The following ATP6V0A2 variants were observed in gnomAD, a reference collection of about 807,000 sequenced individuals.
ATP6V0A2 encodes V-type proton ATPase 116 kDa subunit a 2.
ATP6V0A2 carries 58 observed loss-of-function variants against 104.4 expected under a neutral mutation model. The ratio of observed to expected loss-of-function variants is 0.56; its 90% CI spans 0.45 to 0.69. ATP6V0A2 has a LOEUF of 0.69. Among genes scored for constraint, ATP6V0A2 ranks in the 30% least tolerant of loss-of-function variants. The pLI is 0.00. For synonymous variants in ATP6V0A2, 376 were observed against 397.9 expected (o/e 0.95, Z 0.65); for missense variants, 938 against 1,062.9 (o/e 0.88, Z 1.63).
Position 123,748,576 on chromosome 12 carries a change from C to T in ATP6V0A2, c.1726C>T (p.His576Tyr), listed in dbSNP as rs752876687. 1.2e-6 allele frequency: 2 copies of T among 1,610,156 alleles called. No individual in the cohort carries two copies. Among genetic ancestry groups the T allele is most frequent in the South Asian group, 1.1e-5 (1 of 91,018 alleles). ...TGATTGATTCCTTTTCTTTCCTAGG[C>T]ACTTCAGGAAGAAGTTCAACATTTA... ...GVILGIFNHL[H>Y]FRKKFNIYLV... Residue 576 changes from histidine (H) to tyrosine (Y), a missense_variant and splice_region_variant, in exon 15 of 20, where the codon CAC becomes TAC. Physicochemically the swap from His to Tyr is moderately conservative, Grantham distance 83. Transcript: ENST00000330342.
chr12:123,727,670 G>C (rs1203079698), intron 5 of ATP6V0A2, 113 bp from the exon 6 acceptor site: 2 of 1,284,472 alleles, frequency 1.6e-6, no homozygotes, highest in Non-Finnish European at 2.2e-6. Context: ...CAGTTGGAGG[G>C]CTCTCAGGAT....
intron 6 of ATP6V0A2, among the ~76,000 whole-genome samples, chr12:123,729,954 A>G (rs1257282988): frequency 3.3e-5 from 5 of 150,970 alleles, no homozygotes; most frequent in African/African-American, 4.9e-5. Flanking sequence ...AGCTGGGACT[A>G]TATAGGCGTG....
At chr12:123,713,003 C>T (rs1025215715) in intron 1 of ATP6V0A2, among the ~76,000 whole-genome samples, 1 of 152,108 alleles carries the variant, frequency 6.6e-6, no homozygotes. Context: ...CCTTTTGGAA[C>T]TTTACGGGGG....
chr12:123,749,274 G>C (rs1239917232), intron 15 of ATP6V0A2, among the ~76,000 whole-genome samples: 1 of 152,164 alleles, frequency 6.6e-6, no homozygotes, highest in African/African-American at 2.4e-5. Flanking sequence ...GGGTGACAGA[G>C]CAAGACCCTG....
intron 3 of ATP6V0A2, chr12:123,724,348 A>C (rs1956427708): frequency 3.4e-6 from 1 of 291,986 alleles, no homozygotes; most frequent in Non-Finnish European, 6.5e-6. Context: ...ACATGGTGAA[A>C]CCTCGTCTCT....
rs943043410 is a variant in ATP6V0A2 at position 123,743,693 on chromosome 12, A to G, written c.1039-92A>G. 3 of 1,506,882 alleles carry G rather than the reference A, an allele frequency of 2.0e-6. No individual in the cohort carries two copies. The Admixed American group carries it at 5.2e-5, about 26-fold the overall frequency. 93.3% of individuals were successfully genotyped at this position (1,506,882 alleles called of 1,614,324 possible). The stretch of plus-strand genomic sequence containing the variant: ...CAAAACAACACCACCAAAAAAAACC[A>G]AAAAACAAAGCAGTAACCCAGATTC... On this transcript the variant is annotated intron_variant, in intron 9 of 19. Transcript: ENST00000330342.
chr12:123,752,112 G>A (rs1044844515), intron 16 of ATP6V0A2, among the ~76,000 whole-genome samples, 171 bp from the exon 17 acceptor site: 2 of 152,038 alleles, frequency 1.3e-5, no homozygotes, highest in East Asian at 1.9e-4. Context: ...CACCTGCCTC[G>A]GCTTCCCAAA....
intron 1 of ATP6V0A2, among the ~76,000 whole-genome samples, chr12:123,715,986 C>A (rs1956335081): frequency 6.6e-6 from 1 of 152,044 alleles, no homozygotes; most frequent in South Asian, 2.1e-4. Flanking sequence ...TTTTTTCTCA[C>A]TTCCCAGACT....
Position 123,744,535 on chromosome 12 carries a change from C to G in ATP6V0A2, c.1327-62C>G. 2 of 1,604,848 alleles carry G rather than the reference C, an allele frequency of 1.2e-6. No individual in the cohort carries two copies. Among genetic ancestry groups the G allele is most frequent in the Non-Finnish European group, 1.7e-6 (2 of 1,174,622 alleles). ...TGAGTGGTGAGGGTCGTGCCCACAC[C>G]GACAGCTGTCACATGGACACCCTCC... On this transcript the variant is annotated intron_variant, in intron 11 of 19. Transcript: ENST00000330342. The surrounding 1 kb of genome is among the most constrained non-coding windows in gnomAD (Gnocchi z 5.4).
chr12:123,727,192 A>T (rs999583582), intron 5 of ATP6V0A2, among the ~76,000 whole-genome samples: 1 of 152,032 alleles, frequency 6.6e-6, no homozygotes, highest in Non-Finnish European at 1.5e-5. Context: ...CCTGCATCCC[A>T]TGCTGGCCTT....
intron 14 of ATP6V0A2, among the ~76,000 whole-genome samples, chr12:123,747,972 G>A (rs929469147): frequency 1.3e-5 from 2 of 152,168 alleles, no homozygotes; most frequent in African/African-American, 4.8e-5. Context: ...AGTGAGGAGG[G>A]CAGAAAAAAG....
At position 123,754,544 on chromosome 12, in the gene ATP6V0A2, TCCTGCTTAGA is replaced by T. The variant is rs766004857; in HGVS notation, c.2293+13_2293+22del. ...CTTAGCCTGGCTCACGCACGTAAGT[TCCTGCTTAGA>T]CCTGCAGTTCCCAATGCCCTGTAGT... On this transcript the variant is annotated splice_region_variant and intron_variant, in intron 18 of 19. Coordinates refer to ENST00000330342, the MANE Select transcript of ATP6V0A2 (RefSeq NM_012463.4). 3.7e-6 allele frequency: 6 copies of T among 1,606,512 alleles called. No homozygotes were observed. In the African/African-American group the frequency reaches 8.0e-5, roughly 21 times the overall value.
chr12:123,745,015 G>A, intron 13 of ATP6V0A2, 43 bp downstream of exon 13: 1 of 1,584,430 alleles, frequency 6.3e-7, no homozygotes, highest in Non-Finnish European at 8.7e-7. Flanking sequence ...ATGCTCTGTG[G>A]TGCCACCTAG....
chr12:123,752,727 G>A (rs1312049049), intron 17 of ATP6V0A2, among the ~76,000 whole-genome samples: 2 of 152,176 alleles, frequency 1.3e-5, no homozygotes, highest in Non-Finnish European at 2.9e-5. Context: ...TTCCATAGTT[G>A]CAAGAAATAG....
intron 9 of ATP6V0A2, among the ~76,000 whole-genome samples, chr12:123,737,977 C>A (rs1422809312): frequency 6.6e-6 from 1 of 152,234 alleles, no homozygotes; most frequent in Non-Finnish European, 1.5e-5. Flanking sequence ...TCCGCTTTTA[C>A]AAATAGCACT....
In ATP6V0A2 at chr12:123,758,885, A is replaced by G. The variant is rs947395828; in HGVS notation, c.*853A>G. 1 of 152,306 alleles carries G rather than the reference A, an allele frequency of 6.6e-6. No individual in the cohort carries two copies. Among genetic ancestry groups the G allele is most frequent in the East Asian group, 1.9e-4 (1 of 5,198 alleles). 9.4% of individuals were successfully genotyped at this position (152,306 alleles called of 1,614,324 possible). A position where few individuals can be genotyped will look rare whatever the true frequency, so the allele number is the denominator to read the frequency against. On this transcript the variant is annotated 3_prime_UTR_variant, in exon 20 of 20. Transcript: ENST00000330342. Reference sequence around the variant, plus strand: ...TTACAAGTAGAGGATTGTTTTTACAATTTTGTCTTGTTTTAGTAATTGGGG... The same window carrying G: ...TTACAAGTAGAGGATTGTTTTTACAGTTTTGTCTTGTTTTAGTAATTGGGG...
chr12:123,742,114 G>T (rs1459939010), intron 9 of ATP6V0A2, among the ~76,000 whole-genome samples: 2 of 152,210 alleles, frequency 1.3e-5, no homozygotes, highest in African/African-American at 4.8e-5. Flanking sequence ...TGAGTTTAGG[G>T]ACTGGGCTGC....
rs375232199 is a variant in ATP6V0A2 at position 123,752,269 on chromosome 12, C to T, written c.2056-14C>T. 52 of 1,613,978 alleles carry T rather than the reference C, an allele frequency of 3.2e-5. No homozygotes were observed. In the African/African-American group the frequency reaches 4.0e-4, roughly 12 times the overall value. ...GTTTTACAGGCACTGACTCTGTGCT[C>T]TTTTGGTTGTTAGAGTGGCTACACA... On this transcript the variant is annotated splice_polypyrimidine_tract_variant and intron_variant, in intron 16 of 19. Transcript: ENST00000330342.
chr12:123,737,247 G>A lies in ATP6V0A2; in HGVS notation c.1014G>A (p.Leu338=), dbSNP rs917452697. Reference sequence around the variant, plus strand: ...GTCCCGAGGCGGATCTGCAGGACCTGCGCCGGGCACTGGAGGAGGGCTCGG... The same window carrying A: ...GTCCCGAGGCGGATCTGCAGGACCTACGCCGGGCACTGGAGGAGGGCTCGG... The part of the protein sequence containing the change: ...VWCPEADLQD[L]RRALEEGSRE... Residue 338 remains leucine (L), a synonymous_variant, in exon 9 of 20, where the codon CTG becomes CTA. Transcript: ENST00000330342. 5 of 1,614,024 alleles carry A rather than the reference G, an allele frequency of 3.1e-6. No individual in the cohort carries two copies. The Admixed American group carries it at 8.3e-5, about 27-fold the overall frequency.
Sources: allele counts gnomAD v4.1 joint callset (sites outside exome capture counted in the v4.1 genomes callset), GRCh38; gene constraint gnomAD v4.1.1; non-coding constraint Gnocchi (gnomAD v3.1); transcripts MANE v1.5; gene names NCBI Gene and HGNC (gene_info 2026-07-23, HGNC 2026-07-21).